Variants in TAS2R13 observed in about 807,000 individuals in gnomAD.
TAS2R13 encodes the protein taste 2 receptor member 13.
For synonymous variants in TAS2R13, 129 were observed against 125.5 expected (o/e 1.03, Z -0.19); for missense variants, 384 against 347.5 (o/e 1.11, Z -0.84).
chr12:10,908,899 G>C lies in TAS2R13; in HGVS notation c.400C>G (p.Leu134Val), dbSNP rs780202524. The C allele has an allele frequency of 1.2e-6, 2 of 1,612,962 alleles. No homozygotes were observed. The highest frequency in any genetic ancestry group is 1.7e-6 in the Non-Finnish European group (2 of 1,179,904). The change falls in exon 1 of 1, where the codon CTG (leucine) becomes GTG (valine). Residue 134 changes from leucine to valine, a missense_variant. By Grantham distance (32) the Leu-to-Val change is conservative. Coordinates refer to ENST00000390677, the MANE Select transcript of TAS2R13 (RefSeq NM_023920.2). ...WRVNKVILMI[L>V]LGTLVFLFLN... Reference sequence around the variant, plus strand: ...AATAAGAAGACCAAGGTTCCTAGCAGTATCATCAGAATCACTTTGTTTACT... The same window carrying C: ...AATAAGAAGACCAAGGTTCCTAGCACTATCATCAGAATCACTTTGTTTACT...
At position 10,909,135 on chromosome 12, in the gene TAS2R13, C is replaced by T. The variant is rs774703957; in HGVS notation, c.164G>A (p.Arg55Lys). The change falls in exon 1 of 1, where the codon AGA becomes AAA. Residue 55 changes from arginine to lysine, a missense_variant. Coordinates refer to ENST00000390677, the MANE Select transcript of TAS2R13 (RefSeq NM_023920.2). ...DKLLIILAIS[R>K]IGLIWEILVS... ...TAATATTTCCCAGATCAGCCCAATT[C>T]TGGAGATTGCCAAGATAATGAGGAG... 3 of 1,613,906 alleles carry T rather than the reference C, an allele frequency of 1.9e-6. No homozygotes were observed. Among genetic ancestry groups the T allele is most frequent in the Non-Finnish European group, 2.5e-6 (3 of 1,179,972 alleles).
In TAS2R13 at chr12:10,908,443, C is replaced by A; in HGVS notation, c.856G>T (p.Ala286Ser). ...AAAAGAAAGGCCTGTCTTAACTTAG[C>A]GTTTCCTAGAATCAGAAGAAAGGAG... The part of the protein sequence containing the change: ...SHSFLLILGN[A>S]KLRQAFLLVA... The change falls in exon 1 of 1, where the codon GCT becomes TCT. Residue 286 changes from alanine (A) to serine (S), a missense_variant. Physicochemically the swap from Ala to Ser is moderately conservative, Grantham distance 99. Coordinates refer to ENST00000390677, the MANE Select transcript of TAS2R13 (RefSeq NM_023920.2). 1 of 1,613,794 alleles carries A rather than the reference C, an allele frequency of 6.2e-7. No homozygotes were observed. Among genetic ancestry groups the A allele is most frequent in the Admixed American group, 1.7e-5 (1 of 59,972 alleles).
rs183174341 is a variant in TAS2R13 at position 10,909,471 on chromosome 12, T to C, written c.-173A>G. The C allele has an allele frequency of 1.4e-3, 842 of 596,416 alleles. 1 individual carries two copies. The highest frequency in any genetic ancestry group is 2.1e-3 in the Non-Finnish European group (706 of 330,388). 36.9% of individuals were successfully genotyped at this position (596,416 alleles called of 1,614,324 possible). On this transcript the variant is annotated 5_prime_UTR_variant, in exon 1 of 1. Coordinates refer to ENST00000390677, the MANE Select transcript of TAS2R13 (RefSeq NM_023920.2). ...GAAATCTCTAAAGTTTGCTGATCGA[T>C]CTTCACATAACTGTTCTGGTGATAT...
Position 10,909,166 on chromosome 12 carries a change from C to G in TAS2R13, c.133G>C (p.Asp45His). Residue 45 changes from aspartate to histidine, a missense_variant, in exon 1 of 1, where the codon GAT (aspartate) becomes CAT (histidine). Coordinates refer to ENST00000390677, the MANE Select transcript of TAS2R13 (RefSeq NM_023920.2). The part of the protein sequence containing the change: ...WVSKRELSSV[D>H]KLLIILAISR... ...ATTGCCAAGATAATGAGGAGTTTATCGACTGAGGACAGCTCTCTTTTACTG... is the reference window on the plus strand; with the variant it reads ...ATTGCCAAGATAATGAGGAGTTTATGGACTGAGGACAGCTCTCTTTTACTG... 1 of 1,613,930 alleles carries G rather than the reference C, an allele frequency of 6.2e-7. No homozygotes were observed. The highest frequency in any genetic ancestry group is 8.5e-7 in the Non-Finnish European group (1 of 1,179,978).
Position 10,909,128 on chromosome 12 carries a change from C to G in TAS2R13, c.171G>C (p.Gly57=). ...AACTTACTAATATTTCCCAGATCAG[C>G]CCAATTCTGGAGATTGCCAAGATAA... ...LLIILAISRI[G]LIWEILVSWF... is the part of the protein sequence containing the mutation. Residue 57 remains glycine, a synonymous_variant, in exon 1 of 1, where the codon GGG becomes GGC. Coordinates refer to ENST00000390677, the MANE Select transcript of TAS2R13 (RefSeq NM_023920.2). The G allele has an allele frequency of 6.2e-7, 1 of 1,613,856 alleles. No homozygotes were observed. Among genetic ancestry groups the G allele is most frequent in the Non-Finnish European group, 8.5e-7 (1 of 1,179,986 alleles).
chr12:10,908,989 T>G lies in TAS2R13; in HGVS notation c.310A>C (p.Ser104Arg), dbSNP rs1268421306. The change falls in exon 1 of 1, where the codon AGC (serine) becomes CGC (arginine). Residue 104 changes from serine (S) to arginine (R), a missense_variant. By Grantham distance (110) the Ser-to-Arg change is moderately radical. Transcript: ENST00000390677. Reference sequence around the variant, plus strand: ...GCTATTTTGAGCAAATAAAAGATGCTGAAGATTGTAGCAAGCCAGAGATTG... The same window carrying G: ...GCTATTTTGAGCAAATAAAAGATGCGGAAGATTGTAGCAAGCCAGAGATTG... ...HFNLWLATIF[S>R]IFYLLKIASF... 1.2e-6 allele frequency: 2 copies of G among 1,613,626 alleles called. No homozygotes were observed. Among genetic ancestry groups the G allele is most frequent in the African/African-American group, 2.7e-5 (2 of 74,924 alleles).
rs1483459952 is a variant in TAS2R13, at chr12:10,908,142, A to C, written c.*245T>G. The C allele has an allele frequency of 4.6e-6, 2 of 436,114 alleles. No homozygotes were observed. The highest frequency in any genetic ancestry group is 4.1e-5 in the African/African-American group (2 of 49,124). The allele number at this position is 436,114 out of a possible 1,614,324, so 27.0% of individuals were successfully genotyped here. Reference sequence around the variant, plus strand: ...GTATATGTTTTTAATTTACAATAGAATCTGCCAATAATTTCCTCAAATAAG... The same window carrying C: ...GTATATGTTTTTAATTTACAATAGACTCTGCCAATAATTTCCTCAAATAAG... On this transcript the variant is annotated 3_prime_UTR_variant, in exon 1 of 1. Transcript: ENST00000390677.
At position 10,908,722 on chromosome 12, in the gene TAS2R13, C is replaced by T; in HGVS notation, c.577G>A (p.Val193Met). Residue 193 changes from valine (V) to methionine (M), a missense_variant, in exon 1 of 1, where the codon GTG becomes ATG. Coordinates refer to ENST00000390677, the MANE Select transcript of TAS2R13 (RefSeq NM_023920.2). ...AACAGGAGAAAAGAGATGAAGGCCA[C>T]AGTAAATGGTGTTAGACTGAACATA... is the stretch of plus-strand genomic sequence containing the variant. ...MTMFSLTPFT[V>M]AFISFLLLIF... is the part of the protein sequence containing the mutation. 3 of 1,613,796 alleles carry T rather than the reference C, an allele frequency of 1.9e-6. No homozygotes were observed. The highest frequency in any genetic ancestry group is 2.5e-6 in the Non-Finnish European group (3 of 1,179,856).
rs1949856099 is a variant in TAS2R13, at chr12:10,909,148, A to G, written c.151T>C (p.Leu51=). 3 of 1,613,894 alleles carry G rather than the reference A, an allele frequency of 1.9e-6. No homozygotes were observed. The highest frequency in any genetic ancestry group is 2.2e-5 in the South Asian group (2 of 91,088). The change falls in exon 1 of 1, where the codon TTG becomes CTG. Residue 51 remains leucine, a synonymous_variant. Coordinates refer to ENST00000390677, the MANE Select transcript of TAS2R13 (RefSeq NM_023920.2). The part of the protein sequence containing the change: ...LSSVDKLLII[L]AISRIGLIWE... ...ATCAGCCCAATTCTGGAGATTGCCA[A>G]GATAATGAGGAGTTTATCGACTGAG...
chr12:10,909,511 A>G lies in TAS2R13; in HGVS notation c.-213T>C. 2.1e-6 allele frequency: 1 copy of G among 482,836 alleles called. No homozygotes were observed. The allele number at this position is 482,836 out of a possible 1,614,324, so 29.9% of individuals were successfully genotyped here. ...TCTGGTGATATCTTTATTTTTCTTC[A>G]ATTTCTCTGCTGAGCCCTAGCTAAG... On this transcript the variant is annotated 5_prime_UTR_variant, in exon 1 of 1. Transcript: ENST00000390677.
In TAS2R13 at chr12:10,908,734, T is replaced by C. The variant is rs1949845826; in HGVS notation, c.565A>G (p.Thr189Ala). 1.9e-6 allele frequency: 3 copies of C among 1,613,804 alleles called. No individual in the cohort carries two copies. Among genetic ancestry groups the C allele is most frequent in the Non-Finnish European group, 2.5e-6 (3 of 1,179,910 alleles). Residue 189 changes from threonine to alanine, a missense_variant, in exon 1 of 1, where the codon ACA becomes GCA. By Grantham distance (58) the Thr-to-Ala change is moderately conservative. Coordinates refer to ENST00000390677, the MANE Select transcript of TAS2R13 (RefSeq NM_023920.2). ...GAGATGAAGGCCACAGTAAATGGTG[T>C]TAGACTGAACATAGTCATAGTGAAT... is the stretch of plus-strand genomic sequence containing the variant. Reference protein sequence around the residue: ...VKFTMTMFSLTPFTVAFISFL... With the variant: ...VKFTMTMFSLAPFTVAFISFL...
Position 10,908,053 on chromosome 12 carries a change from G to C in TAS2R13, c.*334C>G. 4.3e-6 allele frequency: 1 copy of C among 231,326 alleles called. No individual in the cohort carries two copies. The highest frequency in any genetic ancestry group is 1.5e-3 in the Middle Eastern group (1 of 678). 14.3% of individuals were successfully genotyped at this position (231,326 alleles called of 1,614,324 possible). ...ATCACCCATCTCAATGAATGATTTA[G>C]AATTGAAGAGCCATTGCCAAACAAA... On this transcript the variant is annotated 3_prime_UTR_variant, in exon 1 of 1. Coordinates refer to ENST00000390677, the MANE Select transcript of TAS2R13 (RefSeq NM_023920.2).
Position 10,908,937 on chromosome 12 carries a change from T to C in TAS2R13, c.362A>G (p.Tyr121Cys), listed in dbSNP as rs761297011. 5 of 1,613,250 alleles carry C rather than the reference T, an allele frequency of 3.1e-6. No homozygotes were observed. In the African/African-American group the frequency reaches 4.0e-5, roughly 13 times the overall value. Residue 121 changes from tyrosine (Y) to cysteine (C), a missense_variant, in exon 1 of 1, where the codon TAT becomes TGT. Physicochemically the swap from Tyr to Cys is radical, Grantham distance 194. Transcript: ENST00000390677. ...CACTTTGTTTACTCTCCACTTCAAA[T>C]AGAGAAAAGCAGGGCTAGAGAAACT... Reference protein sequence around the residue: ...IASFSSPAFLYLKWRVNKVIL... With the variant: ...IASFSSPAFLCLKWRVNKVIL...
rs1185221855 is a variant in TAS2R13 at position 10,908,236 on chromosome 12, T to C, written c.*151A>G. ...AATATTCTTAGGTAAGATGCTATTA[T>C]AGAGAAGAATTTAAAACATTTACAG... On this transcript the variant is annotated 3_prime_UTR_variant, in exon 1 of 1. Transcript: ENST00000390677. The C allele has an allele frequency of 1.8e-5, 11 of 616,656 alleles. No homozygotes were observed. Among genetic ancestry groups the C allele is most frequent in the Non-Finnish European group, 2.7e-5 (10 of 367,518 alleles). 38.2% of individuals were successfully genotyped at this position (616,656 alleles called of 1,614,324 possible).
Position 10,908,262 on chromosome 12 carries a change from T to C in TAS2R13, c.*125A>G. On this transcript the variant is annotated 3_prime_UTR_variant, in exon 1 of 1. Transcript: ENST00000390677. ...AGAGAAGAATTTAAAACATTTACAG[T>C]GACCTTCACAATAAAAGAAACCAGG... The C allele has an allele frequency of 1.3e-6, 1 of 784,784 alleles. No homozygotes were observed. The highest frequency in any genetic ancestry group is 2.0e-6 in the Non-Finnish European group (1 of 502,934). 48.6% of individuals were successfully genotyped at this position (784,784 alleles called of 1,614,324 possible).
rs1949852698 is a variant in TAS2R13, at chr12:10,909,010, G to A, written c.289C>T (p.Leu97Phe). 2.5e-6 allele frequency: 4 copies of A among 1,613,606 alleles called. No homozygotes were observed. The highest frequency in any genetic ancestry group is 3.4e-6 in the Non-Finnish European group (4 of 1,179,976). ...ATGCTGAAGATTGTAGCAAGCCAGAGATTGAAGTGATTAGAAACTATCCAG... is the reference window on the plus strand; with the variant it reads ...ATGCTGAAGATTGTAGCAAGCCAGAAATTGAAGTGATTAGAAACTATCCAG... ...FSWIVSNHFN[L>F]WLATIFSIFY... The change falls in exon 1 of 1, where the codon CTC (leucine) becomes TTC (phenylalanine). Residue 97 changes from leucine to phenylalanine, a missense_variant. Leu to Phe is a conservative substitution (Grantham distance 22, BLOSUM62 0). Coordinates refer to ENST00000390677, the MANE Select transcript of TAS2R13 (RefSeq NM_023920.2).
At position 10,908,924 on chromosome 12, in the gene TAS2R13, T is replaced by C; in HGVS notation, c.375A>G (p.Arg125=). The change falls in exon 1 of 1, where the codon AGA becomes AGG. Residue 125 remains arginine (R), a synonymous_variant. Coordinates refer to ENST00000390677, the MANE Select transcript of TAS2R13 (RefSeq NM_023920.2). ...GTATCATCAGAATCACTTTGTTTAC[T>C]CTCCACTTCAAATAGAGAAAAGCAG... ...SSPAFLYLKW[R]VNKVILMILL... 6.2e-7 allele frequency: 1 copy of C among 1,613,272 alleles called. No homozygotes were observed. Among genetic ancestry groups the C allele is most frequent in the Non-Finnish European group, 8.5e-7 (1 of 1,179,936 alleles).
chr12:10,909,368 T>A lies in TAS2R13; in HGVS notation c.-70A>T. On this transcript the variant is annotated 5_prime_UTR_variant, in exon 1 of 1. An upstream start codon of the reference 5' UTR is lost. Coordinates refer to ENST00000390677, the MANE Select transcript of TAS2R13 (RefSeq NM_023920.2). Reference sequence around the variant, plus strand: ...TCACTGATCTAAAATGCTATTCACATCCTTGAGTGTCCAGTGGAGTTCTTC... The same window carrying A: ...TCACTGATCTAAAATGCTATTCACAACCTTGAGTGTCCAGTGGAGTTCTTC... 2 of 1,060,746 alleles carry A rather than the reference T, an allele frequency of 1.9e-6. No individual in the cohort carries two copies. Among genetic ancestry groups the A allele is most frequent in the Non-Finnish European group, 2.8e-6 (2 of 717,584 alleles). 65.7% of individuals were successfully genotyped at this position (1,060,746 alleles called of 1,614,324 possible).
Position 10,909,526 on chromosome 12 carries a change from C to A in TAS2R13, c.-228G>T. 2.1e-6 allele frequency: 1 copy of A among 465,422 alleles called. No homozygotes were observed. The highest frequency in any genetic ancestry group is 3.9e-6 in the Non-Finnish European group (1 of 258,796). The allele number at this position is 465,422 out of a possible 1,614,324, so 28.8% of individuals were successfully genotyped here. A position where few individuals can be genotyped will look rare whatever the true frequency, so the allele number is the denominator to read the frequency against. On this transcript the variant is annotated 5_prime_UTR_variant, in exon 1 of 1. Transcript: ENST00000390677. ...ATTTTTCTTCAATTTCTCTGCTGAGCCCTAGCTAAGATATTTATGTCTTCA... is the reference window on the plus strand; with the variant it reads ...ATTTTTCTTCAATTTCTCTGCTGAGACCTAGCTAAGATATTTATGTCTTCA...
Sources: gnomAD v4.1 joint callset for allele counts on GRCh38, gnomAD v4.1.1 for gene constraint, MANE v1.5 for transcripts, NCBI Gene and HGNC (gene_info 2026-07-23, HGNC 2026-07-21) for gene names.